CDYL: variants seen among roughly 807,000 people sequenced by gnomAD.
CDYL encodes chromodomain Y-like protein.
In CDYL, 8 loss-of-function variants were observed where a neutral mutation model predicts 47.3. The observed-to-expected ratio is 0.17, with a 90% CI of 0.10 to 0.31. The LOEUF is 0.31. Among genes scored for constraint, CDYL ranks in the 10% least tolerant of loss-of-function variants. The pLI is 1.00. For missense variants in CDYL, 471 were observed against 701.4 expected (o/e 0.67, Z 3.71); for synonymous variants, 266 against 265.0 (o/e 1.00, Z -0.04).
intron 3 of CDYL, among the ~76,000 whole-genome samples, chr6:4,749,735 C>G (rs940747521): frequency 7.9e-5 from 12 of 152,112 alleles, no homozygotes; most frequent in African/African-American, 2.9e-4. Context: ...TGGATGTAAG[C>G]AGAAATGATT....
intron 2 of CDYL, among the ~76,000 whole-genome samples, chr6:4,721,927 A>G (rs995484547): frequency 1.3e-5 from 2 of 151,072 alleles, no homozygotes; most frequent in Non-Finnish European, 2.9e-5. Flanking sequence ...CAGTAGCGTG[A>G]TTTCGGCTCA....
chr6:4,768,470 A>G (rs1207480634), intron 3 of CDYL, among the ~76,000 whole-genome samples: 1 of 152,230 alleles, frequency 6.6e-6, no homozygotes, highest in Admixed American at 6.5e-5. Context: ...ACAGAAGTCA[A>G]CTGAAAGAGC....
intron 1 of CDYL, among the ~76,000 whole-genome samples, chr6:4,824,373 C>T (rs1456445506): frequency 1.3e-5 from 2 of 152,268 alleles, no homozygotes; most frequent in Admixed American, 6.5e-5. Context: ...CCACTAGCAG[C>T]GCTCGGCTCG....
intron 2 of CDYL, among the ~76,000 whole-genome samples, chr6:4,716,045 G>A (rs1241095704): frequency 3.3e-5 from 5 of 151,998 alleles, no homozygotes; most frequent in South Asian, 2.1e-4. Flanking sequence ...TCAGGAGATC[G>A]AGACCATCCT....
intron 2 of CDYL, among the ~76,000 whole-genome samples, chr6:4,906,379 G>C (rs981748043): frequency 3.1e-4 from 47 of 152,334 alleles, no homozygotes; most frequent in African/African-American, 9.6e-4. Context: ...AGCATTATCA[G>C]CTAGGTGAGT....
At chr6:4,859,170 A>G (rs1174656912) in intron 1 of CDYL, among the ~76,000 whole-genome samples, 1 of 151,968 alleles carries the variant, frequency 6.6e-6, no homozygotes, top group African/African-American at 2.4e-5. Flanking sequence ...CATGCTCTCT[A>G]TTTTGTGATA....
At chr6:4,877,256 AT>A (rs1003875946) in intron 1 of CDYL, among the ~76,000 whole-genome samples, 8 of 151,844 alleles carry the variant, frequency 5.3e-5, no homozygotes, top group African/African-American at 1.5e-4. Flanking sequence ...ATCTTTCAAC[AT>A]TTTTTTTCTT....
rs202116997 is a variant in CDYL, at chr6:4,803,979, C to CTTT, written c.24+27184_24+27186dup. On this transcript the variant is annotated intron_variant, in intron 1 of 6. Coordinates refer to ENST00000397588, the MANE Select transcript of CDYL (RefSeq NM_004824.4). ...CTTATGTGTCTCATGGCGTAGCGTG[C>CTTT]TTTTTTTTTTTTTTGCTCTCCTAAG... 6.9e-3 allele frequency among the ~76,000 whole-genome samples: 924 copies of CTTT among 133,176 alleles called. 13 individuals are homozygous for CTTT. The highest frequency in any genetic ancestry group is 0.022 in the African/African-American group (811 of 36,224). 87.4% of individuals were successfully genotyped at this position (133,176 alleles called of 152,430 possible).
intron 2 of CDYL, chr6:4,724,693 C>T (rs1048136189): frequency 1.3e-5 from 2 of 152,048 alleles, no homozygotes; most frequent in East Asian, 1.9e-4. Flanking sequence ...TAATGCAGCG[C>T]GTCTGGAATT....
At position 4,935,623 on chromosome 6, in the gene CDYL, A is replaced by G; in HGVS notation, c.800A>G (p.Asp267Gly). Residue 267 changes from aspartate (D) to glycine (G), a missense_variant, in exon 3 of 7, where the codon GAC becomes GGC. Asp to Gly is a moderately conservative substitution (Grantham distance 94). Around this residue, in one of 3 missense-constraint regions of CDYL, gnomAD observed 311 missense variants for 350.0 expected, o/e 0.89. Coordinates refer to ENST00000397588, the MANE Select transcript of CDYL (RefSeq NM_004824.4). Reference protein sequence around the residue: ...SKRKFIDDRRDQPFDKRLRFS... With the variant: ...SKRKFIDDRRGQPFDKRLRFS... ...AGGAAATTTATTGACGACAGAAGAG[A>G]CCAGCCTTTTGACAAGCGATTGCGT... 1 of 1,614,212 alleles carries G rather than the reference A, an allele frequency of 6.2e-7. No homozygotes were observed. Among genetic ancestry groups the G allele is most frequent in the Non-Finnish European group, 8.5e-7 (1 of 1,180,038 alleles).
intron 1 of CDYL, among the ~76,000 whole-genome samples, chr6:4,842,447 G>A (rs1219231227): frequency 6.6e-6 from 1 of 151,744 alleles, no homozygotes; most frequent in Non-Finnish European, 1.5e-5. Flanking sequence ...TTTAGGAGCT[G>A]TGGTGTTAGG....
intron 2 of CDYL, among the ~76,000 whole-genome samples, chr6:4,913,814 A>G (rs760614595): frequency 1.8e-4 from 28 of 152,262 alleles, no homozygotes; most frequent in Non-Finnish European, 3.8e-4. Context: ...CAACAGGTAA[A>G]CAAATGAACG....
intron 1 of CDYL, among the ~76,000 whole-genome samples, chr6:4,853,908 TG>T (rs111719339): frequency 0.022 from 3,313 of 152,340 alleles, 130 homozygotes; most frequent in African/African-American, 0.076. Flanking sequence ...CCTTGTTTCT[TG>T]CTTCTTGGGA....
Position 4,792,049 on chromosome 6 carries a change from A to ATTT in CDYL, c.24+15256_24+15258dup, listed in dbSNP as rs768229405. ...AGGCGCCTACCACCACGCCCGGCTAATTTTTTTTTTTTTTTTGTATTTTTA... is the reference window on the plus strand; with the variant it reads ...AGGCGCCTACCACCACGCCCGGCTAATTTTTTTTTTTTTTTTTTTGTATTTTTA... On this transcript the variant is annotated intron_variant, in intron 1 of 6. Transcript: ENST00000397588. Among the ~76,000 whole-genome samples, 358 of 137,662 alleles carry ATTT rather than the reference A, an allele frequency of 2.6e-3. 3 individuals are homozygous for ATTT. Among genetic ancestry groups the ATTT allele is most frequent in the African/African-American group, 9.0e-3 (335 of 37,072 alleles). The allele number at this position is 137,662 out of a possible 152,430, so 90.3% of individuals were successfully genotyped here.
intron 3 of CDYL, among the ~76,000 whole-genome samples, chr6:4,768,804 G>A (rs984725691): frequency 2.0e-5 from 3 of 152,184 alleles, no homozygotes; most frequent in Admixed American, 1.3e-4. Context: ...GACAAGCACT[G>A]TATTTGCTAG....
chr6:4,740,071 A>G (rs1383319501), intron 3 of CDYL, among the ~76,000 whole-genome samples: 1 of 152,184 alleles, frequency 6.6e-6, no homozygotes, highest in Non-Finnish European at 1.5e-5. Context: ...AAATTTTCCC[A>G]AAAAAAGCAG....
chr6:4,738,601 A>G (rs1000920017), intron 3 of CDYL, among the ~76,000 whole-genome samples: 9 of 152,248 alleles, frequency 5.9e-5, no homozygotes, highest in African/African-American at 1.7e-4. Context: ...AATTTATTCA[A>G]TCACTTTGGA....
intron 1 of CDYL, chr6:4,890,106 T>C (rs532212895): frequency 3.2e-5 from 32 of 985,306 alleles, no homozygotes; most frequent in Non-Finnish European, 3.9e-5. Context: ...TGCCCGCTTC[T>C]GGAGTGGACA....
chr6:4,886,418 A>G (rs749043440), intron 1 of CDYL, among the ~76,000 whole-genome samples: 4 of 152,080 alleles, frequency 2.6e-5, no homozygotes, highest in Non-Finnish European at 4.4e-5. Flanking sequence ...CAGCCATCCT[A>G]CCGGCTGTGA....
Sources: allele counts gnomAD v4.1 joint callset (sites outside exome capture counted in the v4.1 genomes callset), GRCh38; gene constraint gnomAD v4.1.1; regional missense constraint gnomAD v4.1.1; transcripts MANE v1.5; gene names NCBI Gene and HGNC (gene_info 2026-07-23, HGNC 2026-07-21).